Variants in ZNF532 observed in about 807,000 individuals in gnomAD.
ZNF532 encodes zinc finger protein 532.
A neutral mutation model predicts 89.3 loss-of-function variants in ZNF532; 22 were observed. The observed-to-expected ratio is 0.25, with a 90% CI of 0.18 to 0.35. ZNF532 has a LOEUF of 0.35. ZNF532 is among the 10% of genes least tolerant of loss of function. The probability of loss-of-function intolerance (pLI) is 1.00; values close to 1 mark genes in which losing one functional copy is unlikely to be tolerated. For synonymous variants in ZNF532, 606 were observed against 649.6 expected (o/e 0.93, Z 1.02); for missense variants, 1,132 against 1,643.4 (o/e 0.69, Z 5.38).
chr18:58,880,141 G>T (rs1335116617), intron 2 of ZNF532, among the ~76,000 whole-genome samples: 1 of 152,174 alleles, frequency 6.6e-6, no homozygotes. Flanking sequence ...CACTTACCAG[G>T]AGAAGAAAGT....
At chr18:58,868,949 T>C (rs1568201022) in intron 2 of ZNF532, among the ~76,000 whole-genome samples, 1 of 152,220 alleles carries the variant, frequency 6.6e-6, no homozygotes, top group Non-Finnish European at 1.5e-5. Flanking sequence ...GTGTAGCCCA[T>C]TGCTCCTAGG....
intron 2 of ZNF532, among the ~76,000 whole-genome samples, chr18:58,907,824 T>C (rs954907291): frequency 3.3e-5 from 5 of 152,170 alleles, no homozygotes; most frequent in African/African-American, 9.7e-5. Context: ...GCCCCTGAGC[T>C]TCCCACAAGA....
chr18:58,883,421 CT>C (rs2058066457), intron 2 of ZNF532, among the ~76,000 whole-genome samples: 2 of 152,104 alleles, frequency 1.3e-5, no homozygotes, highest in Admixed American at 1.3e-4. Flanking sequence ...ATGAGAACAG[CT>C]GTGATACCTG....
chr18:58,967,656 C>T (rs188604471), intron 7 of ZNF532, among the ~76,000 whole-genome samples: 1 of 152,190 alleles, frequency 6.6e-6, no homozygotes, highest in Admixed American at 6.5e-5. Context: ...AAGTTAGAGT[C>T]GGAGCTCGGT....
intron 7 of ZNF532, among the ~76,000 whole-genome samples, chr18:58,961,666 G>T (rs535639978): frequency 3.3e-5 from 5 of 152,346 alleles, no homozygotes; most frequent in African/African-American, 1.2e-4. Context: ...AGGTTCCATT[G>T]CATCGATTTA....
Position 58,984,644 on chromosome 18 carries a change from T to C in ZNF532, c.*178T>C, listed in dbSNP as rs2068228391. The C allele has an allele frequency of 2.9e-6, 2 of 680,324 alleles. No individual in the cohort carries two copies. Among genetic ancestry groups the C allele is most frequent in the African/African-American group, 1.8e-5 (1 of 55,478 alleles). The allele number at this position is 680,324 out of a possible 1,614,324, so 42.1% of individuals were successfully genotyped here. On this transcript the variant is annotated 3_prime_UTR_variant, in exon 10 of 10. Transcript: ENST00000591808. ...ATCCTCGATAAGTATTAAAACAGTA[T>C]TTGAGTTTAAAAGAGTTTGTATATA...
chr18:58,920,734 ACGTGTGTGTG>A (rs2060977501), intron 3 of ZNF532, 101 bp downstream of exon 3: 3 of 486,948 alleles, frequency 6.2e-6, no homozygotes, highest in Non-Finnish European at 9.9e-6. Context: ...AGTGAAATGG[ACGTGTGTGTG>A]TGTGTGTGTG....
In ZNF532 at chr18:58,919,546, C is replaced by A. The variant is rs545827499; in HGVS notation, c.1259C>A (p.Pro420His). The A allele has an allele frequency of 3.1e-6, 5 of 1,614,076 alleles. No homozygotes were observed. The highest frequency in any genetic ancestry group is 2.2e-5 in the South Asian group (2 of 91,078). Residue 420 changes from proline (P) to histidine (H), a missense_variant, in exon 3 of 10, where the codon CCC becomes CAC. By Grantham distance (77) the Pro-to-His change is moderately conservative. This residue lies in a region of ZNF532 where 124 missense variants were observed against 191.6 expected (regional missense o/e 0.65). Coordinates refer to ENST00000591808, the MANE Select transcript of ZNF532 (RefSeq NM_001375912.1). The surrounding 1 kb of genome is among the most constrained non-coding windows in gnomAD (Gnocchi z 6.1). ...TCAGCCGCCGTCCTTTCCTCTCCCC[C>A]CAGGGCGCCTCTCCAGTCTGCGGTC... ...PASAAVLSSP[P>H]RAPLQSAVVT...
At chr18:58,888,825 A>AAATTATATATATAATTTATATATATAT (rs2058609462) in intron 2 of ZNF532, among the ~76,000 whole-genome samples, 2 of 45,340 alleles carry the variant, frequency 4.4e-5, no homozygotes, top group Non-Finnish European at 6.7e-5. Context: ...TTATATATAT[A>AAATTATATATATAATTTATATATATAT]AATTATATAT....
intron 8 of ZNF532, 165 bp from the exon 9 acceptor site, chr18:58,981,305 C>CTTAATTT: frequency 1.2e-6 from 1 of 811,116 alleles, no homozygotes; most frequent in Non-Finnish European, 2.0e-6. Context: ...AATTAAGGGC[C>CTTAATTT]ACTCCTAGCA....
chr18:58,923,315 T>G (rs1457516847), intron 3 of ZNF532, among the ~76,000 whole-genome samples: 1 of 150,760 alleles, frequency 6.6e-6, no homozygotes, highest in Non-Finnish European at 1.5e-5. Flanking sequence ...TCGTCTCCCC[T>G]TTCTCACTGG....
intron 3 of ZNF532, among the ~76,000 whole-genome samples, chr18:58,928,492 C>T (rs1198506504): frequency 6.6e-6 from 1 of 152,170 alleles, no homozygotes; most frequent in Non-Finnish European, 1.5e-5. Flanking sequence ...AGGCTCTCTG[C>T]CATACATTCC....
At chr18:58,868,992 A>G (rs1055662337) in intron 2 of ZNF532, among the ~76,000 whole-genome samples, 1 of 152,200 alleles carries the variant, frequency 6.6e-6, no homozygotes, top group African/African-American at 2.4e-5. Flanking sequence ...ACTGTACTGC[A>G]TACTGTAGGC....
rs184763134 is a variant in ZNF532 at position 58,877,045 on chromosome 18, G to A, written c.-18+11466G>A. Among the ~76,000 whole-genome samples the A allele has an allele frequency of 1.9e-4, 29 of 152,118 alleles. 1 individual carries two copies. In the East Asian group the frequency reaches 5.2e-3, roughly 27 times the overall value. ...ACTGCACTTCAGCCTGGGCAACAGA[G>A]TGAGACCTTGTCTCGAGAAAAAAAA... is the stretch of plus-strand genomic sequence containing the variant. On this transcript the variant is annotated intron_variant, in intron 2 of 9. Transcript: ENST00000591808.
intron 3 of ZNF532, among the ~76,000 whole-genome samples, chr18:58,930,023 C>A (rs1013786080): frequency 6.6e-6 from 1 of 152,114 alleles, no homozygotes; most frequent in Non-Finnish European, 1.5e-5. Context: ...GCCTTTAGCT[C>A]CAATGTTTCA....
intron 7 of ZNF532, among the ~76,000 whole-genome samples, chr18:58,972,655 TC>T (rs1328528786): frequency 1.3e-5 from 2 of 152,066 alleles, no homozygotes; most frequent in Non-Finnish European, 2.9e-5. Context: ...GAGCTGTTCT[TC>T]CTGTGTCTGA....
intron 3 of ZNF532, chr18:58,931,612 G>A (rs1485034500): frequency 3.9e-5 from 6 of 152,166 alleles, no homozygotes; most frequent in Non-Finnish European, 4.4e-5. Context: ...GGAGGAGGAT[G>A]TCTCCAACCA....
chr18:58,877,435 T>C (rs888411595), intron 2 of ZNF532, among the ~76,000 whole-genome samples: 1 of 152,148 alleles, frequency 6.6e-6, no homozygotes, highest in African/African-American at 2.4e-5. Flanking sequence ...TTTTACTTAG[T>C]GGGTTTATTT....
At chr18:58,967,006 G>A (rs1271224790) in intron 7 of ZNF532, among the ~76,000 whole-genome samples, 1 of 152,124 alleles carries the variant, frequency 6.6e-6, no homozygotes, top group Non-Finnish European at 1.5e-5. Context: ...GTATATTAAT[G>A]TACATCCCAC....
Sources: gnomAD v4.1 joint callset for allele counts (sites outside exome capture counted in the v4.1 genomes callset) on GRCh38, gnomAD v4.1.1 for gene constraint, gnomAD v4.1.1 regional missense constraint, Gnocchi (gnomAD v3.1) non-coding constraint, MANE v1.5 for transcripts, NCBI Gene and HGNC (gene_info 2026-07-23, HGNC 2026-07-21) for gene names.